FMN2: variants seen among roughly 807,000 people sequenced by gnomAD.
FMN2 encodes formin 2, also known as formin-2.
A neutral mutation model predicts 142.3 loss-of-function variants in FMN2; 51 were observed. The ratio of observed to expected loss-of-function variants is 0.36; its 90% confidence interval spans 0.29 to 0.45. The LOEUF (loss-of-function observed/expected upper bound fraction) is 0.45, where lower values mean the gene tolerates loss of function less well. Ranked by LOEUF, FMN2 falls within the 20% of genes least tolerant of loss-of-function variation. The pLI, the probability that FMN2 is intolerant of heterozygous loss-of-function variation, is 1.00. For missense variants in FMN2, 1,936 were observed against 2,122.8 expected, an observed-to-expected ratio of 0.91 and a Z score of 1.73; for synonymous variants, 882 against 869.8, an observed-to-expected ratio of 1.01 and a Z score of -0.25.
intron 16 of FMN2, among the ~76,000 whole-genome samples, chr1:240,439,984 C>A (rs74149104): frequency 7.8e-4 from 118 of 152,244 alleles, no homozygotes; most frequent in African/African-American, 2.7e-3. Flanking sequence ...AGTCGTGTTT[C>A]CCCTTGCGCG....
chr1:240,320,595 A>T (rs953142877), intron 8 of FMN2, among the ~76,000 whole-genome samples: 2 of 152,188 alleles, frequency 1.3e-5, no homozygotes, highest in African/African-American at 4.8e-5. Context: ...GTGTTTCTGA[A>T]CACTGTTCTT....
intron 2 of FMN2, among the ~76,000 whole-genome samples, chr1:240,159,454 C>A (rs995763634): frequency 2.0e-5 from 3 of 152,076 alleles, no homozygotes; most frequent in Admixed American, 6.6e-5. Context: ...AAACCTGAGC[C>A]GTCACATCTC....
At chr1:240,127,687 C>A (rs147057975) in intron 2 of FMN2, among the ~76,000 whole-genome samples, 1 of 152,038 alleles carries the variant, frequency 6.6e-6, no homozygotes, top group South Asian at 2.1e-4. Flanking sequence ...CTGTGATGTC[C>A]CAAGTTGGTC....
At chr1:240,366,556 T>C (rs929905608) in intron 14 of FMN2, among the ~76,000 whole-genome samples, 7 of 145,682 alleles carry the variant, frequency 4.8e-5, no homozygotes, top group Non-Finnish European at 1.1e-4. Flanking sequence ...TTTTTAAATT[T>C]GAGATGGAGT....
chr1:240,217,307 ATGATAATT>A (rs1666942478), intron 6 of FMN2, among the ~76,000 whole-genome samples: 1 of 152,212 alleles, frequency 6.6e-6, no homozygotes, highest in Admixed American at 6.5e-5. Flanking sequence ...GACAGACTGA[ATGATAATT>A]TGTGTTATAG....
intron 6 of FMN2, among the ~76,000 whole-genome samples, chr1:240,223,008 C>A (rs1292482221): frequency 6.6e-6 from 1 of 152,158 alleles, no homozygotes; most frequent in Non-Finnish European, 1.5e-5. Context: ...CTGGCCAGAA[C>A]TTTTAATACT....
rs1423449178 is a variant in FMN2, at chr1:240,388,681, A to T, written c.4859-3830A>T. ...GTTCGAGACCAGCCTGACCAATATGATGAAACCCCATCTCTACTAAAACTA... is the reference window on the plus strand; with the variant it reads ...GTTCGAGACCAGCCTGACCAATATGTTGAAACCCCATCTCTACTAAAACTA... On this transcript the variant is annotated intron_variant, in intron 14 of 17. Coordinates refer to ENST00000319653, the MANE Select transcript of FMN2 (RefSeq NM_020066.5). Among the ~76,000 whole-genome samples the T allele has an allele frequency of 5.9e-5, 9 of 151,888 alleles. No individual in the cohort carries two copies. In the East Asian group the frequency reaches 1.6e-3, roughly 26 times the overall value.
chr1:240,364,249 TA>T (rs1672588395), intron 14 of FMN2, among the ~76,000 whole-genome samples: 2 of 152,186 alleles, frequency 1.3e-5, no homozygotes, highest in African/African-American at 2.4e-5. Flanking sequence ...TATTTTAATT[TA>T]AAAATCATTG....
At chr1:240,389,331 CAAT>C (rs1673527970) in intron 14 of FMN2, among the ~76,000 whole-genome samples, 1 of 152,118 alleles carries the variant, frequency 6.6e-6, no homozygotes. Context: ...ATATAAATAA[CAAT>C]AAGTTGTTGC....
intron 2 of FMN2, among the ~76,000 whole-genome samples, chr1:240,154,131 A>AG (rs1553333719): frequency 2.0e-5 from 3 of 148,730 alleles, no homozygotes; most frequent in Non-Finnish European, 3.0e-5. Context: ...AAAAAAAAAA[A>AG]GTGTTACTAC....
rs1176478548 is a variant in FMN2 at position 240,093,188 on chromosome 1, G to A, written c.1079G>A (p.Gly360Asp). ...GATGCTTTTGAGGATGCGCCCCGGG[G>A]CTCTCCGGGGGAGGAGTGGGCCCCG... ...EEDAFEDAPR[G>D]SPGEEWAPEV... The change falls in exon 1 of 18, where the codon GGC becomes GAC. Residue 360 changes from glycine to aspartate, a missense_variant. Gly to Asp is a moderately conservative substitution (Grantham distance 94). Coordinates refer to ENST00000319653, the MANE Select transcript of FMN2 (RefSeq NM_020066.5). 4.8e-6 allele frequency: 7 copies of A among 1,469,706 alleles called. No homozygotes were observed. Among genetic ancestry groups the A allele is most frequent in the Middle Eastern group, 3.7e-4 (2 of 5,444 alleles). The allele number at this position is 1,469,706 out of a possible 1,614,324, so 91.0% of individuals were successfully genotyped here.
chr1:240,284,666 A>G (rs1402859927), intron 7 of FMN2, among the ~76,000 whole-genome samples: 2 of 152,174 alleles, frequency 1.3e-5, no homozygotes, highest in African/African-American at 4.8e-5. Context: ...GAAGGATTAT[A>G]AAAGAAAGGC....
At chr1:240,392,455 A>G (rs1673635273) in intron 14 of FMN2, 56 bp from the exon 15 acceptor site, 3 of 1,434,530 alleles carry the variant, frequency 2.1e-6, no homozygotes, top group South Asian at 2.4e-5. Context: ...TGTTGCTTGA[A>G]ATAGTGTAAC....
intron 3 of FMN2, among the ~76,000 whole-genome samples, chr1:240,187,785 G>A (rs972150261): frequency 6.6e-6 from 1 of 152,124 alleles, no homozygotes; most frequent in Non-Finnish European, 1.5e-5. Context: ...TTGAAATCAA[G>A]GGGCAATTTG....
chr1:240,392,655 T>C (rs1444773916), intron 15 of FMN2, 93 bp downstream of exon 15: 61 of 1,018,138 alleles, frequency 6.0e-5, no homozygotes, highest in Middle Eastern at 2.2e-4. Flanking sequence ...AATTTTAATT[T>C]TCAAGCATAA....
At chr1:240,205,186 T>C (rs1024687099) in intron 4 of FMN2, among the ~76,000 whole-genome samples, 11 of 152,226 alleles carry the variant, frequency 7.2e-5, no homozygotes, top group African/African-American at 2.6e-4. Flanking sequence ...CACTCTGTAG[T>C]GTTGCAGGAA....
intron 7 of FMN2, among the ~76,000 whole-genome samples, chr1:240,285,663 C>T (rs1669561508): frequency 2.0e-5 from 3 of 152,046 alleles, no homozygotes; most frequent in African/African-American, 7.2e-5. Flanking sequence ...ATCCTGGAAG[C>T]TAGGATAAAT....
intron 16 of FMN2, among the ~76,000 whole-genome samples, chr1:240,452,195 A>G (rs921938765): frequency 2.6e-5 from 4 of 152,142 alleles, no homozygotes; most frequent in Non-Finnish European, 5.9e-5. Context: ...TGTCTCAAAA[A>G]AATAAATAAA....
chr1:240,287,074 C>T (rs186589549), intron 7 of FMN2, among the ~76,000 whole-genome samples: 282 of 152,238 alleles, frequency 1.9e-3, no homozygotes, highest in Admixed American at 4.8e-3. Flanking sequence ...ATTTCAATTA[C>T]GCATCCCCAA....
Sources: allele counts gnomAD v4.1 joint callset (sites outside exome capture counted in the v4.1 genomes callset), GRCh38; gene constraint gnomAD v4.1.1; transcripts MANE v1.5; gene names NCBI Gene and HGNC (gene_info 2026-07-23, HGNC 2026-07-21).